The following CASQ2 variants were observed in gnomAD, a reference collection of about 807,000 sequenced individuals.
The protein encoded by CASQ2 is calsequestrin-2.
A neutral mutation model predicts 46.5 loss-of-function variants in CASQ2; 49 were observed. The observed-to-expected ratio is 1.05, with a 90% CI of 0.84 to 1.34. The LOEUF is 1.34. CASQ2 is among the 40% of genes most tolerant of loss of function. The pLI is 0.00. For missense variants in CASQ2, 486 were observed against 481.3 expected (o/e 1.01, Z -0.09); for synonymous variants, 174 against 168.5 (o/e 1.03, Z -0.25).
chr1:115,726,035 A>C (rs1647576797), intron 6 of CASQ2, among the ~76,000 whole-genome samples: 1 of 152,232 alleles, frequency 6.6e-6, no homozygotes. Context: ...GACAGGATCT[A>C]TATTTTGCTC....
chr1:115,723,032 A>T (rs1208263447), intron 7 of CASQ2, among the ~76,000 whole-genome samples: 1 of 152,202 alleles, frequency 6.6e-6, no homozygotes, highest in East Asian at 1.9e-4. Flanking sequence ...TGGGTGACAG[A>T]GGGAGAATCC....
intron 7 of CASQ2, among the ~76,000 whole-genome samples, chr1:115,723,496 A>G (rs1647464141): frequency 6.6e-6 from 1 of 152,180 alleles, no homozygotes; most frequent in Non-Finnish European, 1.5e-5. Context: ...ATTTTAAAGC[A>G]CTATTATATC....
At chr1:115,749,060 C>T (rs2101106403) in intron 1 of CASQ2, among the ~76,000 whole-genome samples, 1 of 152,314 alleles carries the variant, frequency 6.6e-6, no homozygotes, top group East Asian at 1.9e-4. Context: ...CTGAAAAACA[C>T]TGCTATAAAT....
intron 1 of CASQ2, 33 bp from the exon 2 acceptor site, chr1:115,744,945 A>G: frequency 6.9e-7 from 1 of 1,444,940 alleles, no homozygotes; most frequent in Non-Finnish European, 9.7e-7. Context: ...GAGTGTGCTA[A>G]GGGCAGAAAG....
intron 8 of CASQ2, among the ~76,000 whole-genome samples, chr1:115,711,216 T>C (rs1288689499): frequency 2.0e-5 from 3 of 152,136 alleles, no homozygotes; most frequent in Non-Finnish European, 2.9e-5. Flanking sequence ...GGGTCTCTGC[T>C]CCTGTGAGGA....
At chr1:115,763,407 C>T (rs939563817) in intron 1 of CASQ2, among the ~76,000 whole-genome samples, 3 of 152,084 alleles carry the variant, frequency 2.0e-5, no homozygotes. Flanking sequence ...ACTCACTCCT[C>T]CTCTCTAGCC....
intron 1 of CASQ2, among the ~76,000 whole-genome samples, chr1:115,763,541 T>C (rs1039511385): frequency 3.3e-5 from 5 of 152,118 alleles, no homozygotes; most frequent in Non-Finnish European, 7.4e-5. Context: ...TATCAACTGA[T>C]GGGGTTAGCT....
rs1257749318 is a variant in CASQ2, at chr1:115,725,381, A to C, written c.783+127T>G. 2.8e-6 allele frequency: 3 copies of C among 1,054,582 alleles called. No homozygotes were observed. In the East Asian group the frequency reaches 7.1e-5, roughly 25 times the overall value. 65.3% of individuals were successfully genotyped at this position (1,054,582 alleles called of 1,614,324 possible). On this transcript the variant is annotated intron_variant, in intron 7 of 10. Transcript: ENST00000261448. ...CGTACCCAATCTGTCCATGTTTCAA[A>C]TACTCATCTAGACATCCACCTCAGC...
At chr1:115,761,476 AAGAAGAAGAAGG>A (rs1648949444) in intron 1 of CASQ2, among the ~76,000 whole-genome samples, 2 of 10,244 alleles carry the variant, frequency 2.0e-4, no homozygotes, top group Non-Finnish European at 4.4e-4. Context: ...GAAGAAGAAG[AAGAAGAAGAAGG>A]AGAAGAAGGA....
chr1:115,760,948 T>G (rs1164612654), intron 1 of CASQ2, among the ~76,000 whole-genome samples: 1 of 152,206 alleles, frequency 6.6e-6, no homozygotes, highest in Non-Finnish European at 1.5e-5. Flanking sequence ...CTTTTATACC[T>G]TCTTATAATT....
chr1:115,738,449 A>G, intron 3 of CASQ2, 114 bp from the exon 4 acceptor site: 2 of 770,420 alleles, frequency 2.6e-6, no homozygotes, highest in East Asian at 2.5e-5. Flanking sequence ...GGTGCCTCAA[A>G]TATCTATTCC....
At chr1:115,719,359 A>T (rs1415978867) in intron 7 of CASQ2, among the ~76,000 whole-genome samples, 1 of 152,216 alleles carries the variant, frequency 6.6e-6, no homozygotes, top group Non-Finnish European at 1.5e-5. Flanking sequence ...ATCAGTTCTC[A>T]TTAGGCTAGC....
At chr1:115,760,442 G>C (rs920723718) in intron 1 of CASQ2, among the ~76,000 whole-genome samples, 2 of 152,170 alleles carry the variant, frequency 1.3e-5, no homozygotes, top group Non-Finnish European at 1.5e-5. Flanking sequence ...TCACTATGTT[G>C]CTCAAGCTGG....
Position 115,738,308 on chromosome 1 carries a change from T to G in CASQ2, c.448A>C (p.Ser150Arg). The change falls in exon 4 of 11, where the codon AGC becomes CGC. Residue 150 changes from serine (S) to arginine (R), a missense_variant. Physicochemically the swap from Ser to Arg is moderately radical, Grantham distance 110 (BLOSUM62 -1). Transcript: ENST00000261448. The stretch of plus-strand genomic sequence containing the variant: ...AAGGCTTGGACTTCCAGTTTGCTGC[T>G]GATGATCTCCACTGGGTCTTCAATT... Reference protein sequence around the residue: ...DLIEDPVEIISSKLEVQAFER... With the variant: ...DLIEDPVEIIRSKLEVQAFER... 6.2e-7 allele frequency: 1 copy of G among 1,613,004 alleles called. No homozygotes were observed. Among genetic ancestry groups the G allele is most frequent in the Non-Finnish European group, 8.5e-7 (1 of 1,178,914 alleles).
intron 7 of CASQ2, among the ~76,000 whole-genome samples, chr1:115,724,966 C>T (rs1647525609): frequency 6.6e-6 from 1 of 152,204 alleles, no homozygotes; most frequent in African/African-American, 2.4e-5. Flanking sequence ...AGGAAATTAA[C>T]TAAGAGCAAT....
chr1:115,736,465 C>T (rs370266426), intron 4 of CASQ2, among the ~76,000 whole-genome samples: 147 of 151,670 alleles, frequency 9.7e-4, no homozygotes, highest in African/African-American at 3.5e-3. Flanking sequence ...GGTGAAACCC[C>T]GTCTCTACTA....
chr1:115,750,477 T>A (rs2101108128), intron 1 of CASQ2, among the ~76,000 whole-genome samples: 1 of 152,332 alleles, frequency 6.6e-6, no homozygotes, highest in Non-Finnish European at 1.5e-5. Context: ...CAAAAAAGTG[T>A]TTTTTAAAAG....
intron 8 of CASQ2, among the ~76,000 whole-genome samples, chr1:115,716,025 A>C (rs4396120): frequency 0.23 from 35,337 of 152,170 alleles, 4,140 homozygotes; most frequent in South Asian, 0.28. Context: ...TGATCTGTCT[A>C]GTGGAACCAT....
intron 5 of CASQ2, among the ~76,000 whole-genome samples, 180 bp downstream of exon 5, chr1:115,732,721 C>A (rs1196007138): frequency 1.6e-4 from 25 of 152,174 alleles, no homozygotes; most frequent in Admixed American, 1.6e-3. Context: ...CTGACTTAGT[C>A]ATCTTTGTAC....
Sources: allele counts gnomAD v4.1 joint callset (sites outside exome capture counted in the v4.1 genomes callset), GRCh38; gene constraint gnomAD v4.1.1; transcripts MANE v1.5; gene names NCBI Gene and HGNC (gene_info 2026-07-23, HGNC 2026-07-21).